Variants in CHIA observed in about 807,000 individuals in gnomAD.
CHIA encodes the protein acidic mammalian chitinase.
A neutral mutation model predicts 53.5 loss-of-function variants in CHIA; 47 were observed. The observed-to-expected ratio is 0.88, with a 90% confidence interval of 0.70 to 1.12. CHIA has a LOEUF of 1.12. CHIA is among the 50% of genes most tolerant of loss of function. CHIA has a pLI of 0.00. For synonymous variants in CHIA, 268 were observed against 222.2 expected (o/e 1.21, Z -1.83); for missense variants, 652 against 592.2 (o/e 1.10, Z -1.05).
chr1:111,320,205 T>A lies in CHIA; in HGVS notation c.1178-8T>A. 2 of 1,611,982 alleles carry A rather than the reference T, an allele frequency of 1.2e-6. No homozygotes were observed. The highest frequency in any genetic ancestry group is 1.7e-6 in the Non-Finnish European group (2 of 1,178,822). On this transcript the variant is annotated splice_region_variant and splice_polypyrimidine_tract_variant and intron_variant, in intron 11 of 11. Coordinates refer to ENST00000369740, the MANE Select transcript of CHIA (RefSeq NM_201653.4). The stretch of plus-strand genomic sequence containing the variant: ...CCACTAGTCTGCTCTTACTGCTGTA[T>A]GTTTCAGGTTGCACGGCTCCAGCTC...
chr1:111,309,228 T>C (rs1429845447), intron 1 of CHIA, among the ~76,000 whole-genome samples: 1 of 152,156 alleles, frequency 6.6e-6, no homozygotes, highest in East Asian at 1.9e-4. Context: ...CTTTCTCTGG[T>C]TCTGAGAGTA....
chr1:111,294,175 A>G (rs1661202187), intron 1 of CHIA, among the ~76,000 whole-genome samples: 1 of 152,168 alleles, frequency 6.6e-6, no homozygotes, highest in South Asian at 2.1e-4. Flanking sequence ...CATTTTAACA[A>G]TATTGAGTCT....
intron 1 of CHIA, among the ~76,000 whole-genome samples, chr1:111,302,674 T>C (rs1202588391): frequency 6.6e-6 from 1 of 152,186 alleles, no homozygotes; most frequent in Admixed American, 6.5e-5. Flanking sequence ...TAATATATAG[T>C]CTATACTGAA....
At chr1:111,311,220 C>G (rs1648641521) in intron 2 of CHIA, among the ~76,000 whole-genome samples, 1 of 152,142 alleles carries the variant, frequency 6.6e-6, no homozygotes, top group Non-Finnish European at 1.5e-5. Flanking sequence ...CCCCATAGTT[C>G]CTAGCTCTTC....
Position 111,297,901 on chromosome 1 carries a change from C to CAAAAAAAAAAAAAAAAAAA in CHIA, c.-69+6957_-69+6975dup. On this transcript the variant is annotated intron_variant, in intron 1 of 11. Transcript: ENST00000369740. The stretch of plus-strand genomic sequence containing the variant: ...GAAGATCTACCAAGCAAATGGAAAG[C>CAAAAAAAAAAAAAAAAAAA]AAAAAAAAAAAAAAAAAAAAAAAAC... Among the ~76,000 whole-genome samples the CAAAAAAAAAAAAAAAAAAA allele has an allele frequency of 2.5e-3, 79 of 31,836 alleles. 3 individuals are homozygous for CAAAAAAAAAAAAAAAAAAA. Among genetic ancestry groups the CAAAAAAAAAAAAAAAAAAA allele is most frequent in the African/African-American group, 3.6e-3 (25 of 6,850 alleles). 20.9% of individuals were successfully genotyped at this position (31,836 alleles called of 152,430 possible). A position where few individuals can be genotyped will look rare whatever the true frequency, so the allele number is the denominator to read the frequency against.
chr1:111,312,442 A>G, intron 4 of CHIA, 51 bp downstream of exon 4: 1 of 1,362,302 alleles, frequency 7.3e-7, no homozygotes, highest in East Asian at 2.3e-5. Context: ...AGTACTTCCC[A>G]AACATTAATG....
At chr1:111,317,350 G>A (rs114639250) in intron 6 of CHIA, 271 of 228,230 alleles carry the variant, frequency 1.2e-3, no homozygotes, top group African/African-American at 5.8e-3. Flanking sequence ...GCTGGATGTA[G>A]GGTATCACTG....
In CHIA at chr1:111,312,353, T is replaced by C; in HGVS notation, c.219T>C (p.Asp73=). 2.5e-6 allele frequency: 4 copies of C among 1,614,164 alleles called. No homozygotes were observed. The highest frequency in any genetic ancestry group is 3.4e-6 in the Non-Finnish European group (4 of 1,180,016). The part of the protein sequence containing the change: ...NNEITTIEWN[D]VTLYQAFNGL... ...AGATCACCACCATCGAATGGAATGA[T>C]GTGACTCTCTACCAAGCTTTCAATG... is the stretch of plus-strand genomic sequence containing the variant. The change falls in exon 4 of 12, where the codon GAT becomes GAC. Residue 73 remains aspartate, a synonymous_variant. Transcript: ENST00000369740.
rs146209261 is a variant in CHIA, at chr1:111,315,302, G to A, written c.347G>A (p.Arg116His). The change falls in exon 6 of 12, where the codon CGC becomes CAC. Residue 116 changes from arginine to histidine, a missense_variant. Physicochemically the swap from Arg to His is conservative, Grantham distance 29 (BLOSUM62 0). Transcript: ENST00000369740. Reference protein sequence around the residue: ...FTAMVSTPENRQTFITSVIKF... With the variant: ...FTAMVSTPENHQTFITSVIKF... ...GCCATGGTTTCTACTCCTGAGAACCGCCAGACTTTCATCACCTCAGTCATC... is the reference window on the plus strand; with the variant it reads ...GCCATGGTTTCTACTCCTGAGAACCACCAGACTTTCATCACCTCAGTCATC... 5.7e-4 allele frequency: 923 copies of A among 1,612,702 alleles called. 10 individuals carry two copies. The East Asian group carries it at 0.017, about 29-fold the overall frequency.
At chr1:111,307,889 G>A (rs12128793) in intron 1 of CHIA, among the ~76,000 whole-genome samples, 16,607 of 152,096 alleles carry the variant, frequency 0.11, 1,109 homozygotes, top group Non-Finnish European at 0.15. Flanking sequence ...TGATCCACCC[G>A]CCTTGGCCTC....
chr1:111,301,251 A>G (rs1223937537), intron 1 of CHIA, among the ~76,000 whole-genome samples: 1 of 152,226 alleles, frequency 6.6e-6, no homozygotes, highest in Non-Finnish European at 1.5e-5. Context: ...AAGGATTATA[A>G]ATCATGCTAG....
intron 8 of CHIA, 41 bp downstream of exon 8, chr1:111,318,150 G>A (rs757068432): frequency 5.3e-5 from 80 of 1,509,056 alleles, no homozygotes; most frequent in South Asian, 2.1e-4. Flanking sequence ...CAGAGATGAT[G>A]ATGAAAATCA....
intron 1 of CHIA, among the ~76,000 whole-genome samples, chr1:111,293,969 C>A (rs7514165): frequency 2.6e-5 from 4 of 151,968 alleles, no homozygotes; most frequent in African/African-American, 9.7e-5. Flanking sequence ...GTGGTCCCAG[C>A]TAATCAGGAG....
chr1:111,302,590 C>T (rs1273468116), intron 1 of CHIA, among the ~76,000 whole-genome samples: 2 of 152,142 alleles, frequency 1.3e-5, no homozygotes, highest in South Asian at 2.1e-4. Flanking sequence ...TCTAACTTCA[C>T]GTCCTTTGTG....
chr1:111,310,304 A>T, intron 1 of CHIA, 96 bp from the exon 2 acceptor site: 1 of 1,367,414 alleles, frequency 7.3e-7, no homozygotes. Flanking sequence ...GGGAGGGTGT[A>T]GGTTGAAGGT....
chr1:111,309,064 A>G (rs1411574482), intron 1 of CHIA, among the ~76,000 whole-genome samples: 1 of 152,222 alleles, frequency 6.6e-6, no homozygotes, highest in Non-Finnish European at 1.5e-5. Context: ...AAAAATAGCT[A>G]ACGCATGCTG....
intron 1 of CHIA, among the ~76,000 whole-genome samples, chr1:111,303,392 A>C (rs1396252975): frequency 2.0e-5 from 3 of 151,838 alleles, no homozygotes; most frequent in African/African-American, 7.3e-5. Context: ...AAATGTTTAC[A>C]TTTCTTTCTC....
chr1:111,314,644 G>T (rs1186802767), intron 5 of CHIA, 48 bp downstream of exon 5: 1 of 1,406,490 alleles, frequency 7.1e-7, no homozygotes, highest in Admixed American at 1.7e-5. Flanking sequence ...TGGAAAACAA[G>T]TTAGCCCCAT....
At chr1:111,302,327 T>A (rs1292934362) in intron 1 of CHIA, among the ~76,000 whole-genome samples, 1 of 152,190 alleles carries the variant, frequency 6.6e-6, no homozygotes, top group Non-Finnish European at 1.5e-5. Context: ...TTTTTCTAGC[T>A]CCTTAGGTGT....
Sources: gnomAD v4.1 joint callset for allele counts (sites outside exome capture counted in the v4.1 genomes callset) on GRCh38, gnomAD v4.1.1 for gene constraint, MANE v1.5 for transcripts, NCBI Gene and HGNC (gene_info 2026-07-23, HGNC 2026-07-21) for gene names.